ADM: variants seen among roughly 807,000 people sequenced by gnomAD.
ADM encodes the protein adrenomedullin, also known as pro-adrenomedullin.
Under a neutral mutation model 9.0 loss-of-function variants are expected in ADM, and 4 were observed. The ratio of observed to expected loss-of-function variants is 0.44; its 90% CI spans 0.22 to 1.02. ADM has a LOEUF of 1.02. Among genes scored for constraint, ADM ranks in the 50% least tolerant of loss-of-function variants. The pLI is 0.24. For missense variants in ADM, 253 were observed against 254.1 expected, an observed-to-expected ratio of 1.00 and a Z score of 0.03; for synonymous variants, 107 against 107.2, an observed-to-expected ratio of 1.00 and a Z score of 0.01.
At chr11:10,306,183 G>C in intron 3 of ADM, 85 bp downstream of exon 3, 2 of 1,559,272 alleles carry the variant, frequency 1.3e-6, no homozygotes, top group Non-Finnish European at 1.7e-6. Context: ...CTGGCCCGGG[G>C]GATCGTCGGG....
In ADM at chr11:10,306,541, C is replaced by G. The variant is rs1964660226; in HGVS notation, c.458C>G (p.Ser153Cys). The G allele has an allele frequency of 1.9e-6, 3 of 1,612,222 alleles. No individual in the cohort carries two copies. The highest frequency in any genetic ancestry group is 2.5e-6 in the Non-Finnish European group (3 of 1,179,398). ...GGCTACGGCCGCCGGCGCCGGCGCT[C>G]CCTGCCCGAGGCCGGCCCGGGTCGG... ...PQGYGRRRRR[S>C]LPEAGPGRTL... The change falls in exon 4 of 4, where the codon TCC (serine) becomes TGC (cysteine). Residue 153 changes from serine to cysteine, a missense_variant. Physicochemically the swap from Ser to Cys is moderately radical, Grantham distance 112 (BLOSUM62 -1). Coordinates refer to ENST00000278175, the MANE Select transcript of ADM (RefSeq NM_001124.3).
rs1374226848 is a variant in ADM at position 10,306,025 on chromosome 11, G to C, written c.175G>C (p.Val59Leu). ...SSSYPTGLAD[V>L]KAGPAQTLIR... ...CAGCTACCCCACCGGGCTCGCTGAC[G>C]TGAAGGCCGGGCCTGCCCAGACCCT... The change falls in exon 3 of 4, where the codon GTG becomes CTG. Residue 59 changes from valine to leucine, a missense_variant. Val to Leu is a conservative substitution (Grantham distance 32, BLOSUM62 1). Coordinates refer to ENST00000278175, the MANE Select transcript of ADM (RefSeq NM_001124.3). 1 of 1,614,124 alleles carries C rather than the reference G, an allele frequency of 6.2e-7. No homozygotes were observed. Among genetic ancestry groups the C allele is most frequent in the Non-Finnish European group, 8.5e-7 (1 of 1,180,036 alleles).
intron 1 of ADM, 59 bp from the exon 2 acceptor site, chr11:10,305,621 C>A (rs1964644929): frequency 6.7e-7 from 1 of 1,498,320 alleles, no homozygotes; most frequent in South Asian, 1.1e-5. Flanking sequence ...CTCCGTGCCC[C>A]GCCCGGGCGG....
At chr11:10,306,311 T>TGGGGCGG in intron 3 of ADM, 21 bp from the exon 4 acceptor site, 39 of 1,543,650 alleles carry the variant, frequency 2.5e-5, no homozygotes, top group Non-Finnish European at 2.9e-5. Context: ...TTGCCTTTCT[T>TGGGGCGG]CCCCCTCCCC....
rs1484228125 is a variant in ADM, at chr11:10,306,321, C to CCCGCCCGCAGCAGTCCGGATG, written c.249-1_268dup. 6.4e-7 allele frequency: 1 copy of CCCGCCCGCAGCAGTCCGGATG among 1,551,162 alleles called. No individual in the cohort carries two copies. ...TCAAGTTGCCTTTCTTCCCCCTCCC[C>CCCGCCCGCAGCAGTCCGGATG]CCGCCCGCAGCAGTCCGGATGCCGC... On this transcript the variant is annotated splice_polypyrimidine_tract_variant and intron_variant, in intron 3 of 3. Transcript: ENST00000278175.
In ADM at chr11:10,307,118, T is replaced by C. The variant is rs1464170903; in HGVS notation, c.*477T>C. On this transcript the variant is annotated 3_prime_UTR_variant, in exon 4 of 4. Transcript: ENST00000278175. The surrounding 1 kb of genome is among the most constrained non-coding windows in gnomAD (Gnocchi z 4.5). The stretch of plus-strand genomic sequence containing the variant: ...TATTTAAGTTTGTTGCTGTCAAGAT[T>C]TTTTTTGTAACTTCAAATATAGAGA... 1 of 154,168 alleles carries C rather than the reference T, an allele frequency of 6.5e-6. No homozygotes were observed. Among genetic ancestry groups the C allele is most frequent in the Non-Finnish European group, 1.4e-5 (1 of 69,164 alleles). The allele number at this position is 154,168 out of a possible 1,614,324, so 9.6% of individuals were successfully genotyped here.
chr11:10,305,743 G>T lies in ADM; in HGVS notation c.43G>T (p.Ala15Ser), dbSNP rs753996172. Reference sequence around the variant, plus strand: ...CGCCCTGATGTACCTGGGTTCGCTCGCCTTCCTAGGCGCTGACACCGCTCG... The same window carrying T: ...CGCCCTGATGTACCTGGGTTCGCTCTCCTTCCTAGGCGCTGACACCGCTCG... ...SVALMYLGSLAFLGADTARLD... is the reference protein window; with the variant it reads ...SVALMYLGSLSFLGADTARLD... Residue 15 changes from alanine (A) to serine (S), a missense_variant, in exon 2 of 4, where the codon GCC (alanine) becomes TCC (serine). Ala to Ser is a moderately conservative substitution (Grantham distance 99). Transcript: ENST00000278175. 2.5e-6 allele frequency: 4 copies of T among 1,614,178 alleles called. No individual in the cohort carries two copies. In the South Asian group the frequency reaches 4.4e-5, roughly 18 times the overall value.
At position 10,306,491 on chromosome 11, in the gene ADM, C is replaced by A. The variant is rs758702560; in HGVS notation, c.408C>A (p.Ala136=). ...CAGATAAGGACAAGGACAACGTCGCCCCCAGGAGCAAGATCAGCCCCCAGG... is the reference window on the plus strand; with the variant it reads ...CAGATAAGGACAAGGACAACGTCGCACCCAGGAGCAAGATCAGCCCCCAGG... The part of the protein sequence containing the change: ...QFTDKDKDNV[A]PRSKISPQGY... Residue 136 remains alanine, a synonymous_variant, in exon 4 of 4, where the codon GCC becomes GCA. Coordinates refer to ENST00000278175, the MANE Select transcript of ADM (RefSeq NM_001124.3). 1.4e-5 allele frequency: 22 copies of A among 1,613,530 alleles called. No individual in the cohort carries two copies. The South Asian group carries it at 2.0e-4, about 15-fold the overall frequency.
In ADM at chr11:10,307,059, C is replaced by T; in HGVS notation, c.*418C>T. On this transcript the variant is annotated 3_prime_UTR_variant, in exon 4 of 4. Coordinates refer to ENST00000278175, the MANE Select transcript of ADM (RefSeq NM_001124.3). This position sits in a 1 kb window ranked among gnomAD's most constrained non-coding sequence, Gnocchi z 4.5. ...TTCCAAAACCTAAAGAGGAAAAGTG[C>T]AATGCGTGTTGTACATACAGAGGTA... 1 of 170,688 alleles carries T rather than the reference C, an allele frequency of 5.9e-6. No individual in the cohort carries two copies. The highest frequency in any genetic ancestry group is 1.7e-4 in the East Asian group (1 of 5,994). The allele number at this position is 170,688 out of a possible 1,614,324, so 10.6% of individuals were successfully genotyped here.
chr11:10,306,514 A>G lies in ADM; in HGVS notation c.431A>G (p.Gln144Arg), dbSNP rs748703275. 2.5e-6 allele frequency: 4 copies of G among 1,598,412 alleles called. No individual in the cohort carries two copies. In the South Asian group the frequency reaches 4.4e-5, roughly 18 times the overall value. Residue 144 changes from glutamine (Q) to arginine (R), a missense_variant, in exon 4 of 4, where the codon CAG becomes CGG. Gln to Arg is a conservative substitution (Grantham distance 43, BLOSUM62 1). Transcript: ENST00000278175. ...GCCCCCAGGAGCAAGATCAGCCCCCAGGGCTACGGCCGCCGGCGCCGGCGC... is the reference window on the plus strand; with the variant it reads ...GCCCCCAGGAGCAAGATCAGCCCCCGGGGCTACGGCCGCCGGCGCCGGCGC... The part of the protein sequence containing the change: ...NVAPRSKISP[Q>R]GYGRRRRRSL...
rs1348238004 is a variant in ADM at position 10,306,097 on chromosome 11, A to T, written c.247A>T (p.Ser83Cys). ...GGGTGCCTCTCGAAGCCCCGAAGAC[A>T]GGTAACTACGCCCTGTGCTGTCCAG... ...MKGASRSPEDSSPDAARIRVK... is the reference protein window; with the variant it reads ...MKGASRSPEDCSPDAARIRVK... The change falls in exon 3 of 4, where the codon AGC becomes TGC. Residue 83 changes from serine to cysteine, a missense_variant and splice_region_variant. Coordinates refer to ENST00000278175, the MANE Select transcript of ADM (RefSeq NM_001124.3). The T allele has an allele frequency of 2.5e-6, 4 of 1,613,684 alleles. No individual in the cohort carries two copies. Among genetic ancestry groups the T allele is most frequent in the Admixed American group, 1.7e-5 (1 of 59,998 alleles).
chr11:10,306,283 G>T, intron 3 of ADM, 49 bp from the exon 4 acceptor site: 1 of 1,595,368 alleles, frequency 6.3e-7, no homozygotes. Context: ...CCAAAGCTCT[G>T]CTTGATGGGG....
In ADM at chr11:10,307,017, T is replaced by A. The variant is rs1964668705; in HGVS notation, c.*376T>A. On this transcript the variant is annotated 3_prime_UTR_variant, in exon 4 of 4. Transcript: ENST00000278175. This position sits in a 1 kb window ranked among gnomAD's most constrained non-coding sequence, Gnocchi z 4.5. ...GTGTCACCCCACCAGGGCGCAAGCC[T>A]CACTATTACTTGAACTTTCCAAAAC... The A allele has an allele frequency of 4.9e-6, 1 of 203,546 alleles. No individual in the cohort carries two copies. Among genetic ancestry groups the A allele is most frequent in the Admixed American group, 6.0e-5 (1 of 16,598 alleles). 12.6% of individuals were successfully genotyped at this position (203,546 alleles called of 1,614,324 possible). A position where few individuals can be genotyped will look rare whatever the true frequency, so the allele number is the denominator to read the frequency against.
intron 3 of ADM, 59 bp downstream of exon 3, chr11:10,306,157 C>G: frequency 6.3e-7 from 1 of 1,592,392 alleles, no homozygotes. Flanking sequence ...GGGAGGAGTT[C>G]TCTGTCTCCA....
intron 1 of ADM, 138 bp from the exon 2 acceptor site, chr11:10,305,542 G>A (rs1964643559): frequency 1.6e-5 from 11 of 692,376 alleles, no homozygotes; most frequent in South Asian, 1.5e-4. Flanking sequence ...CTCTCTGCGC[G>A]GAGGGAGATA....
Position 10,306,892 on chromosome 11 carries a change from C to T in ADM, c.*251C>T, listed in dbSNP as rs1812823247. The T allele has an allele frequency of 4.8e-6, 2 of 417,652 alleles. No individual in the cohort carries two copies. The highest frequency in any genetic ancestry group is 1.2e-4 in the South Asian group (2 of 16,338). The allele number at this position is 417,652 out of a possible 1,614,324, so 25.9% of individuals were successfully genotyped here. A position where few individuals can be genotyped will look rare whatever the true frequency, so the allele number is the denominator to read the frequency against. On this transcript the variant is annotated 3_prime_UTR_variant, in exon 4 of 4. Transcript: ENST00000278175. ...GGTGCAGAAGAATCCGAGTGTTTGCCAGGCTTAAGGAGAGGAGAAACTGAG... is the reference window on the plus strand; with the variant it reads ...GGTGCAGAAGAATCCGAGTGTTTGCTAGGCTTAAGGAGAGGAGAAACTGAG...
rs1964661871 is a variant in ADM, at chr11:10,306,600, G to A, written c.517G>A (p.Ala173Thr). 1.9e-6 allele frequency: 3 copies of A among 1,577,960 alleles called. No individual in the cohort carries two copies. The highest frequency in any genetic ancestry group is 2.3e-5 in the East Asian group (1 of 44,282). Residue 173 changes from alanine to threonine, a missense_variant, in exon 4 of 4, where the codon GCT (alanine) becomes ACT (threonine). Physicochemically the swap from Ala to Thr is moderately conservative, Grantham distance 58. Coordinates refer to ENST00000278175, the MANE Select transcript of ADM (RefSeq NM_001124.3). The stretch of plus-strand genomic sequence containing the variant: ...GTCTTCTAAGCCACAAGCACACGGG[G>A]CTCCAGCCCCCCCGAGTGGAAGTGC... Reference protein sequence around the residue: ...LVSSKPQAHGAPAPPSGSAPH... With the variant: ...LVSSKPQAHGTPAPPSGSAPH...
rs962018945 is a variant in ADM, at chr11:10,306,378, A to C, written c.295A>C (p.Met99Leu). 1.9e-6 allele frequency: 3 copies of C among 1,571,762 alleles called. No homozygotes were observed. Among genetic ancestry groups the C allele is most frequent in the African/African-American group, 1.4e-5 (1 of 71,046 alleles). The change falls in exon 4 of 4, where the codon ATG becomes CTG. Residue 99 changes from methionine (M) to leucine (L), a missense_variant. Met to Leu is a conservative substitution (Grantham distance 15). Coordinates refer to ENST00000278175, the MANE Select transcript of ADM (RefSeq NM_001124.3). ...CCGAGTCAAGCGCTACCGCCAGAGC[A>C]TGAACAACTTCCAGGGCCTCCGGAG... ...RIRVKRYRQS[M>L]NNFQGLRSFG...
At chr11:10,306,179 C>A (rs568295617) in intron 3 of ADM, 81 bp downstream of exon 3, 9 of 1,566,792 alleles carry the variant, frequency 5.7e-6, no homozygotes, top group Non-Finnish European at 6.9e-6. Flanking sequence ...TCCCCTGGCC[C>A]GGGGGATCGT....
Sources: gnomAD v4.1 joint callset for allele counts on GRCh38, gnomAD v4.1.1 for gene constraint, Gnocchi (gnomAD v3.1) non-coding constraint, MANE v1.5 for transcripts, NCBI Gene and HGNC (gene_info 2026-07-23, HGNC 2026-07-21) for gene names.